SPECC1L: variants seen among roughly 807,000 people sequenced by gnomAD.
The protein encoded by SPECC1L is sperm antigen with calponin homology and coiled-coil domains 1 like.
In SPECC1L, 40 loss-of-function variants were observed where a neutral mutation model predicts 116.8. The observed-to-expected ratio is 0.34, with a 90% CI of 0.27 to 0.45. The LOEUF (loss-of-function observed/expected upper bound fraction) is 0.45. Ranked by LOEUF, SPECC1L falls within the 20% of genes least tolerant of loss-of-function variation. SPECC1L has a pLI of 1.00. For synonymous variants in SPECC1L, 504 were observed against 500.6 expected (o/e 1.01, Z -0.09); for missense variants, 1,110 against 1,373.6 (o/e 0.81, Z 3.03).
chr22:24,304,129 TC>T (rs1372183736), intron 3 of SPECC1L, among the ~76,000 whole-genome samples: 1 of 152,124 alleles, frequency 6.6e-6, no homozygotes. Context: ...CCTAGATACT[TC>T]CTACAATTTG....
intron 11 of SPECC1L, among the ~76,000 whole-genome samples, chr22:24,355,820 C>G (rs949257563): frequency 6.6e-6 from 1 of 150,998 alleles, no homozygotes; most frequent in Non-Finnish European, 1.5e-5. Context: ...TCCCTCCCCC[C>G]GTTCTGTTTT....
At chr22:24,377,842 G>T (rs1281466757) in intron 14 of SPECC1L, among the ~76,000 whole-genome samples, 1 of 152,210 alleles carries the variant, frequency 6.6e-6, no homozygotes, top group Non-Finnish European at 1.5e-5. Context: ...AGGCTTTGTT[G>T]TTCCATTTAT....
intron 16 of SPECC1L, among the ~76,000 whole-genome samples, chr22:24,413,958 G>A (rs1012406243): frequency 7.2e-5 from 11 of 152,162 alleles, no homozygotes; most frequent in African/African-American, 2.7e-4. Flanking sequence ...TCGTGTTAAA[G>A]GCTGTGAGAC....
chr22:24,335,594 T>C (rs2041037159), intron 9 of SPECC1L, among the ~76,000 whole-genome samples: 1 of 152,242 alleles, frequency 6.6e-6, no homozygotes, highest in Non-Finnish European at 1.5e-5. Context: ...AATTTTTATC[T>C]AGAAATTCTT....
chr22:24,334,747 TC>T, intron 9 of SPECC1L, among the ~76,000 whole-genome samples, 174 bp downstream of exon 9: 1 of 152,362 alleles, frequency 6.6e-6, no homozygotes, highest in South Asian at 2.1e-4. Context: ...GTTTGAGATC[TC>T]TTCAGCTTCA....
At chr22:24,338,734 C>A (rs2041112611) in intron 10 of SPECC1L, among the ~76,000 whole-genome samples, 1 of 152,216 alleles carries the variant, frequency 6.6e-6, no homozygotes, top group African/African-American at 2.4e-5. Context: ...CTACACTGTT[C>A]TGAATACTTT....
rs1054188006 is a variant in SPECC1L at position 24,321,645 on chromosome 22, G to A, written c.665G>A (p.Gly222Asp). The change falls in exon 5 of 17, where the codon GGT becomes GAT. Residue 222 changes from glycine (G) to aspartate (D), a missense_variant. Gly to Asp is a moderately conservative substitution (Grantham distance 94). Transcript: ENST00000314328. ...QLGINEDHSE[G>D]DEKSEKETIM... ...GGCATTAATGAGGATCATTCTGAGG[G>A]TGATGAAAAATCTGAGAAGGAAACT... The A allele has an allele frequency of 6.2e-7, 1 of 1,614,190 alleles. No individual in the cohort carries two copies. The highest frequency in any genetic ancestry group is 8.5e-7 in the Non-Finnish European group (1 of 1,180,040).
chr22:24,334,313 T>C, intron 8 of SPECC1L, 97 bp from the exon 9 acceptor site: 1 of 1,345,414 alleles, frequency 7.4e-7, no homozygotes, highest in Non-Finnish European at 1.1e-6. Flanking sequence ...TGCCCGGCCA[T>C]TAAACTGATA....
At position 24,318,344 on chromosome 22, in the gene SPECC1L, C is replaced by T. The variant is rs571382602; in HGVS notation, c.308-2944C>T. On this transcript the variant is annotated intron_variant, in intron 4 of 16. Coordinates refer to ENST00000314328, the MANE Select transcript of SPECC1L (RefSeq NM_015330.6). Reference sequence around the variant, plus strand: ...GACCAGCCCGGCCAACACAGCGAAACCCCGTCTCCACCCAAAAAATACGAA... The same window carrying T: ...GACCAGCCCGGCCAACACAGCGAAATCCCGTCTCCACCCAAAAAATACGAA... Among the ~76,000 whole-genome samples the T allele has an allele frequency of 6.6e-5, 10 of 152,296 alleles. No homozygotes were observed. In the East Asian group the frequency reaches 1.4e-3, roughly 21 times the overall value.
At chr22:24,287,465 C>T (rs1411301995) in intron 2 of SPECC1L, among the ~76,000 whole-genome samples, 2 of 152,194 alleles carry the variant, frequency 1.3e-5, no homozygotes, top group East Asian at 3.9e-4. Flanking sequence ...GACAGGCTGG[C>T]ATAGGATTGG....
chr22:24,302,378 G>T lies in SPECC1L; in HGVS notation c.147G>T (p.Leu49Phe), dbSNP rs1292286975. ...KLVKPGTAAS[L>F]SKTKSSDDLL... ...TAAAACCTGGAACAGCAGCATCATTGTCAAAGGTATTCATGTGATGTTTGA... is the reference window on the plus strand; with the variant it reads ...TAAAACCTGGAACAGCAGCATCATTTTCAAAGGTATTCATGTGATGTTTGA... Residue 49 changes from leucine (L) to phenylalanine (F), a missense_variant, in exon 3 of 17, where the codon TTG becomes TTT. Physicochemically the swap from Leu to Phe is conservative, Grantham distance 22. Transcript: ENST00000314328. The T allele has an allele frequency of 6.2e-7, 1 of 1,614,106 alleles. No individual in the cohort carries two copies. The highest frequency in any genetic ancestry group is 1.1e-5 in the South Asian group (1 of 91,084).
chr22:24,343,314 C>A (rs2041218298), intron 10 of SPECC1L, among the ~76,000 whole-genome samples: 1 of 152,124 alleles, frequency 6.6e-6, no homozygotes. Context: ...TATAAACATA[C>A]AAACACCCTC....
Position 24,311,804 on chromosome 22 carries a change from CAAAAAAA to C in SPECC1L, c.154-1491_154-1485del, listed in dbSNP as rs915422222. ...TCGGTGACAGAGTGAGACTTTGTCTCAAAAAAAAAAAAAAAAAAAAAAAAGAATATGA... is the reference window on the plus strand; with the variant it reads ...TCGGTGACAGAGTGAGACTTTGTCTCAAAAAAAAAAAAAAAAAGAATATGA... On this transcript the variant is annotated intron_variant, in intron 3 of 16. Transcript: ENST00000314328. 5.8e-3 allele frequency among the ~76,000 whole-genome samples: 272 copies of C among 46,564 alleles called. 4 individuals are homozygous for C. Among genetic ancestry groups the C allele is most frequent in the African/African-American group, 0.015 (253 of 16,330 alleles). The allele number at this position is 46,564 out of a possible 152,430, so 30.5% of individuals were successfully genotyped here.
At chr22:24,405,857 C>G (rs2042581847) in intron 14 of SPECC1L, among the ~76,000 whole-genome samples, 1 of 148,760 alleles carries the variant, frequency 6.7e-6, no homozygotes, top group Non-Finnish European at 1.5e-5. Flanking sequence ...AAAAAAAGTA[C>G]TTTACATATG....
rs2048846555 is a variant in SPECC1L, at chr22:24,276,805, T to C, written c.-38+2T>C. The C allele has an allele frequency of 4.4e-6, 2 of 452,890 alleles. No homozygotes were observed. Among genetic ancestry groups the C allele is most frequent in the South Asian group, 3.1e-5 (2 of 64,178 alleles). The allele number at this position is 452,890 out of a possible 1,614,324, so 28.1% of individuals were successfully genotyped here. On this transcript the variant is annotated splice_donor_variant, in intron 2 of 16. Transcript: ENST00000314328. LOFTEE classifies it low-confidence loss of function (5UTR_SPLICE). ...CTACTTTATTCCAGAACAATCACAG[T>C]GAGACCTTTTCTCCCAATAAATGCC... is the stretch of plus-strand genomic sequence containing the variant.
intron 3 of SPECC1L, among the ~76,000 whole-genome samples, chr22:24,309,136 GACAC>G (rs138903918): frequency 6.6e-6 from 1 of 150,906 alleles, no homozygotes; most frequent in Non-Finnish European, 1.5e-5. Context: ...TTGCTTTTGG[GACAC>G]ACACACACAC....
intron 2 of SPECC1L, among the ~76,000 whole-genome samples, chr22:24,299,495 AG>A (rs1401507480): frequency 1.3e-5 from 2 of 152,174 alleles, no homozygotes; most frequent in Non-Finnish European, 2.9e-5. Flanking sequence ...AGCCGGTCTA[AG>A]TGATCTCAAG....
intron 14 of SPECC1L, among the ~76,000 whole-genome samples, chr22:24,371,353 CTGTAGTCCCAGTAT>C (rs2041867082): frequency 1.3e-5 from 2 of 152,126 alleles, no homozygotes; most frequent in South Asian, 4.1e-4. Context: ...TGGCTCGTGC[CTGTAGTCCCAGTAT>C]TTTGTGAGGC....
intron 6 of SPECC1L, 96 bp downstream of exon 6, chr22:24,324,523 G>A: frequency 1.8e-6 from 2 of 1,120,920 alleles, no homozygotes; most frequent in South Asian, 1.3e-5. Context: ...GGGCACGGTG[G>A]CTCATGCCTG....
Sources: gnomAD v4.1 joint callset for allele counts (sites outside exome capture counted in the v4.1 genomes callset) on GRCh38, gnomAD v4.1.1 for gene constraint, MANE v1.5 for transcripts, NCBI Gene and HGNC (gene_info 2026-07-23, HGNC 2026-07-21) for gene names.